LARS1: variants seen among roughly 807,000 people sequenced by gnomAD.
The protein encoded by LARS1 is leucine--tRNA ligase, cytoplasmic.
LARS1 carries 100 observed loss-of-function variants against 162.8 expected under a neutral mutation model. The observed-to-expected ratio is 0.61, with a 90% CI of 0.52 to 0.73. LARS1 has a LOEUF of 0.73. Ranked by LOEUF, LARS1 falls within the 30% of genes least tolerant of loss-of-function variation. The probability of loss-of-function intolerance (pLI) is 0.00; values close to 1 mark genes in which losing one functional copy is unlikely to be tolerated. For missense variants in LARS1, 1,258 were observed against 1,408.9 expected (o/e 0.89, Z 1.71); for synonymous variants, 457 against 462.8 (o/e 0.99, Z 0.16).
chr5:146,171,202 C>T (rs1410748000), intron 4 of LARS1, among the ~76,000 whole-genome samples: 1 of 151,818 alleles, frequency 6.6e-6, no homozygotes, highest in Middle Eastern at 3.2e-3. Context: ...ACTAAAAATA[C>T]AAAAATTAGC....
At chr5:146,182,375 G>A (rs1371967286) in intron 1 of LARS1, 113 bp downstream of exon 1, 2 of 1,400,692 alleles carry the variant, frequency 1.4e-6, no homozygotes, top group Admixed American at 1.7e-5. Flanking sequence ...CACGCCTTAA[G>A]CGTGGCTCTC....
intron 13 of LARS1, 115 bp from the exon 14 acceptor site, chr5:146,152,117 T>C: frequency 9.4e-7 from 1 of 1,061,656 alleles, no homozygotes; most frequent in South Asian, 1.4e-5. Context: ...GTATATGTCA[T>C]TACGACACTG....
chr5:146,157,925 A>G, intron 8 of LARS1, 130 bp from the exon 9 acceptor site: 1 of 805,576 alleles, frequency 1.2e-6, no homozygotes, highest in Non-Finnish European at 2.0e-6. Flanking sequence ...TTTGCAGAGA[A>G]GAGATTGCCA....
intron 2 of LARS1, among the ~76,000 whole-genome samples, chr5:146,175,200 C>T (rs1754499309): frequency 6.6e-6 from 1 of 150,464 alleles, no homozygotes; most frequent in Non-Finnish European, 1.5e-5. Context: ...GCCTGGGTGA[C>T]AGAGGCTCGC....
chr5:146,174,523 T>TATATGTATATATCC (rs1239873922), intron 2 of LARS1, among the ~76,000 whole-genome samples: 227 of 14,540 alleles, frequency 0.016, 4 homozygotes, highest in Middle Eastern at 0.071. Context: ...TATATATCCA[T>TATATGTATATATCC]ATATATATAT....
At chr5:146,116,603 C>T (rs1157493705) in intron 31 of LARS1, among the ~76,000 whole-genome samples, 2 of 152,110 alleles carry the variant, frequency 1.3e-5, no homozygotes, top group East Asian at 3.9e-4. Flanking sequence ...AAATTTAAGC[C>T]TGCAACTACA....
rs767559913 is a variant in LARS1, at chr5:146,159,419, T to C, written c.759A>G (p.Arg253=). 6.2e-7 allele frequency: 1 copy of C among 1,611,186 alleles called. No individual in the cohort carries two copies. The highest frequency in any genetic ancestry group is 2.2e-5 in the East Asian group (1 of 44,796). Residue 253 remains arginine (R), a synonymous_variant, in exon 8 of 32, where the codon AGA becomes AGG. Coordinates refer to ENST00000394434, the MANE Select transcript of LARS1 (RefSeq NM_020117.11). ...CACAAATAATCACCTCTCCAGTTTG[T>C]CTATCATGATCCATGCAAGGCTGTC... is the stretch of plus-strand genomic sequence containing the variant. The part of the protein sequence containing the change: ...KDGQPCMDHD[R]QTGEGVGPQE...
At chr5:146,144,392 T>C in intron 17 of LARS1, 43 bp from the exon 18 acceptor site, 1 of 1,591,720 alleles carries the variant, frequency 6.3e-7, no homozygotes, top group African/African-American at 1.4e-5. Context: ...ACTGGTTCAC[T>C]TTTTTTGTTG....
chr5:146,144,903 C>G (rs755127096), intron 15 of LARS1, among the ~76,000 whole-genome samples, 194 bp from the exon 16 acceptor site: 1 of 152,032 alleles, frequency 6.6e-6, no homozygotes, highest in African/African-American at 2.4e-5. Flanking sequence ...TTTAAAAAGG[C>G]ATGAATCTTC....
chr5:146,147,813 A>T (rs1753081317), intron 15 of LARS1, among the ~76,000 whole-genome samples: 1 of 152,212 alleles, frequency 6.6e-6, no homozygotes. Flanking sequence ...TTTCAGATTG[A>T]AGGAGCCCAC....
At chr5:146,154,597 G>A (rs990183459) in intron 10 of LARS1, among the ~76,000 whole-genome samples, 1 of 151,988 alleles carries the variant, frequency 6.6e-6, no homozygotes, top group Non-Finnish European at 1.5e-5. Context: ...GGGCAACATG[G>A]TGAAACCCCG....
In LARS1 at chr5:146,178,158, A is replaced by G. The variant is rs570751804; in HGVS notation, c.7-493T>C. 1.3e-4 allele frequency among the ~76,000 whole-genome samples: 20 copies of G among 152,310 alleles called. No homozygotes were observed. The South Asian group carries it at 4.1e-3, about 32-fold the overall frequency. ...TCAAACCTCAAAGAAATGGTTGAAC[A>G]ATTACTGAAATATGTAAAAGGCTTT... On this transcript the variant is annotated intron_variant, in intron 1 of 31. Transcript: ENST00000394434.
intron 22 of LARS1, among the ~76,000 whole-genome samples, chr5:146,133,330 C>A (rs1396973705): frequency 2.0e-5 from 3 of 152,092 alleles, no homozygotes; most frequent in Non-Finnish European, 4.4e-5. Context: ...TCTTCTCAGG[C>A]ATGTTGAGTT....
At position 146,153,889 on chromosome 5, in the gene LARS1, T is replaced by C. The variant is rs751767790; in HGVS notation, c.1153+4A>G. ...ATATTTCTAGAAATAAATAAACTCT[T>C]TACCTTTATCCTCCTTAATAGTTAG... On this transcript the variant is annotated splice_donor_region_variant and intron_variant, in intron 11 of 31. Coordinates refer to ENST00000394434, the MANE Select transcript of LARS1 (RefSeq NM_020117.11). 2 of 1,609,856 alleles carry C rather than the reference T, an allele frequency of 1.2e-6. No homozygotes were observed. The highest frequency in any genetic ancestry group is 2.2e-5 in the South Asian group (2 of 90,956).
At chr5:146,138,887 G>T (rs557142114) in intron 21 of LARS1, 2 of 292,256 alleles carry the variant, frequency 6.8e-6, no homozygotes, top group East Asian at 9.2e-5. Context: ...AGAGTAATCT[G>T]GGGAAAGGTA....
intron 28 of LARS1, among the ~76,000 whole-genome samples, chr5:146,125,973 G>A (rs546345007): frequency 1.3e-5 from 2 of 152,026 alleles, no homozygotes; most frequent in East Asian, 1.9e-4. Flanking sequence ...ATATCCTACA[G>A]TGCACAAGAA....
intron 1 of LARS1, among the ~76,000 whole-genome samples, chr5:146,178,492 T>C: frequency 6.6e-6 from 1 of 151,894 alleles, no homozygotes; most frequent in East Asian, 1.9e-4. Flanking sequence ...CACGCATCTG[T>C]AATCCCAGCT....
chr5:146,131,279 C>G (rs1752267844), intron 23 of LARS1, 170 bp from the exon 24 acceptor site: 1 of 453,998 alleles, frequency 2.2e-6, no homozygotes, highest in Admixed American at 4.2e-5. Context: ...TAAAACTGCT[C>G]AACACAACAC....
intron 30 of LARS1, among the ~76,000 whole-genome samples, 177 bp downstream of exon 30, chr5:146,122,315 A>C (rs190629229): frequency 5.2e-4 from 79 of 152,262 alleles, no homozygotes; most frequent in African/African-American, 1.8e-3. Flanking sequence ...CCAAGGAATT[A>C]GGACATTTCA....
Sources: gnomAD v4.1 joint callset for allele counts (sites outside exome capture counted in the v4.1 genomes callset) on GRCh38, gnomAD v4.1.1 for gene constraint, MANE v1.5 for transcripts, NCBI Gene and HGNC (gene_info 2026-07-23, HGNC 2026-07-21) for gene names.